SMARCA1: variants seen among roughly 807,000 people sequenced by gnomAD.
SMARCA1 encodes SWI/SNF-related matrix-associated actin-dependent regulator of chromatin subfamily A member 1.
In SMARCA1, 17 loss-of-function variants were observed where a neutral mutation model predicts 93.6. The ratio of observed to expected loss-of-function variants is 0.18; its 90% CI spans 0.12 to 0.27. The LOEUF (loss-of-function observed/expected upper bound fraction) is 0.27, where lower values mean the gene tolerates loss of function less well. SMARCA1 is among the 10% of genes least tolerant of loss of function. The probability of loss-of-function intolerance (pLI) is 1.00; values close to 1 mark genes in which losing one functional copy is unlikely to be tolerated. For synonymous variants in SMARCA1, 271 were observed against 271.4 expected (o/e 1.00, Z 0.01); for missense variants, 630 against 819.0 (o/e 0.77, Z 2.82).
At chrX:129,496,648 C>A in intron 12 of SMARCA1, 102 bp downstream of exon 12, 2 of 645,740 alleles carry the variant, frequency 3.1e-6, no homozygotes, top group Non-Finnish European at 2.4e-6. Flanking sequence ...TTCAATGCAC[C>A]CACCTAAAGA....
At chrX:129,503,702 G>A (rs143784659) in intron 9 of SMARCA1, among the ~76,000 whole-genome samples, 1,305 of 111,661 alleles carry the variant, frequency 0.012, 19 homozygotes, top group African/African-American at 0.041. Context: ...AGTGGTTCTC[G>A]CCTGTAATCT....
At chrX:129,487,594 T>C (rs1195895431) in intron 16 of SMARCA1, among the ~76,000 whole-genome samples, 8 of 112,273 alleles carry the variant, frequency 7.1e-5, no homozygotes, top group African/African-American at 2.6e-4. Flanking sequence ...GCAACAAACA[T>C]AGTAAAATAC....
Position 129,515,681 on chromosome X carries a change from C to T in SMARCA1, c.630+6G>A. 8.8e-7 allele frequency: 1 copy of T among 1,137,140 alleles called. No homozygotes were observed. The highest frequency in any genetic ancestry group is 1.8e-5 in the South Asian group (1 of 54,820). 93.7% of individuals were successfully genotyped at this position (1,137,140 alleles called of 1,213,427 possible). ...GAGAATGTGTTTTTAGCTACCAATT[C>T]CTTACCATTTCATCAGCCAAAATGC... On this transcript the variant is annotated splice_donor_region_variant and intron_variant, in intron 5 of 24. Transcript: ENST00000371121.
intron 20 of SMARCA1, among the ~76,000 whole-genome samples, chrX:129,469,814 C>T (rs1236705494): frequency 1.8e-5 from 2 of 111,925 alleles, no homozygotes; most frequent in East Asian, 2.8e-4. Flanking sequence ...CATGTTATAC[C>T]GTACATTCAC....
intron 24 of SMARCA1, 73 bp from the exon 25 acceptor site, chrX:129,447,306 G>A: frequency 9.5e-7 from 1 of 1,055,379 alleles, no homozygotes; most frequent in Non-Finnish European, 1.2e-6. Context: ...TTAAATCTAG[G>A]ATGTAAATGC....
intron 1 of SMARCA1, among the ~76,000 whole-genome samples, chrX:129,522,803 G>T (rs1935451381): frequency 8.9e-6 from 1 of 111,901 alleles, no homozygotes; most frequent in Admixed American, 9.4e-5. Context: ...ACGGGAAGGC[G>T]GGGGGAGAGG....
chrX:129,512,545 C>T (rs748098672), intron 5 of SMARCA1, among the ~76,000 whole-genome samples: 1 of 111,727 alleles, frequency 9.0e-6, no homozygotes, highest in Non-Finnish European at 1.9e-5. Flanking sequence ...TCACCAACTC[C>T]AGAGGACTTT....
intron 8 of SMARCA1, among the ~76,000 whole-genome samples, chrX:129,505,371 G>T (rs1295868471): frequency 1.8e-5 from 2 of 110,540 alleles, no homozygotes; most frequent in African/African-American, 6.6e-5. Flanking sequence ...AATTAGCCAG[G>T]TGTGGTGACG....
At chrX:129,448,232 T>C (rs767756148) in intron 24 of SMARCA1, 101 bp downstream of exon 24, 218 of 790,148 alleles carry the variant, frequency 2.8e-4, no homozygotes, top group Middle Eastern at 9.3e-4. Context: ...AACCAGCTTT[T>C]ATTAATAGCT....
At chrX:129,506,412 C>T (rs1347303105) in intron 7 of SMARCA1, among the ~76,000 whole-genome samples, 5 of 110,994 alleles carry the variant, frequency 4.5e-5, no homozygotes, top group Non-Finnish European at 7.5e-5. Flanking sequence ...GCAAGCCAGG[C>T]GCAGTGGCTC....
chrX:129,449,997 C>G (rs776761776), intron 23 of SMARCA1, among the ~76,000 whole-genome samples: 1 of 112,652 alleles, frequency 8.9e-6, no homozygotes, highest in African/African-American at 3.2e-5. Flanking sequence ...GATGCTGAAA[C>G]GGGAACTTTC....
chrX:129,486,832 T>TGAC (rs2124265031), intron 17 of SMARCA1, among the ~76,000 whole-genome samples, 186 bp downstream of exon 17: 1 of 108,552 alleles, frequency 9.2e-6, no homozygotes, highest in South Asian at 4.1e-4. Flanking sequence ...ATGATGATGA[T>TGAC]GATGACGACG....
intron 18 of SMARCA1, 95 bp downstream of exon 18, chrX:129,480,980 A>G (rs1277809053): frequency 8.5e-6 from 5 of 587,472 alleles, no homozygotes; most frequent in Non-Finnish European, 1.4e-5. Context: ...TTTAGAGACT[A>G]TGATTTGGCA....
At chrX:129,481,704 G>A (rs775084229) in intron 17 of SMARCA1, among the ~76,000 whole-genome samples, 1 of 111,253 alleles carries the variant, frequency 9.0e-6, no homozygotes, top group Non-Finnish European at 1.9e-5. Flanking sequence ...GAGGATGTGG[G>A]GAAATAGGAA....
chrX:129,497,001 A>T, intron 11 of SMARCA1, 130 bp from the exon 12 acceptor site: 1 of 161,183 alleles, frequency 6.2e-6, no homozygotes, highest in Non-Finnish European at 1.1e-5. Flanking sequence ...ACACACGTGC[A>T]CACACACACA....
chrX:129,498,162 T>A, intron 10 of SMARCA1, 91 bp from the exon 11 acceptor site: 1 of 544,695 alleles, frequency 1.8e-6, no homozygotes, highest in Non-Finnish European at 3.1e-6. Context: ...GATTCCTGTT[T>A]AAAGATAAAC....
chrX:129,493,554 A>T (rs1934207150), intron 12 of SMARCA1, among the ~76,000 whole-genome samples: 1 of 111,433 alleles, frequency 9.0e-6, no homozygotes, highest in South Asian at 3.8e-4. Context: ...CAGTATAGAA[A>T]GCAGCGTGGT....
At chrX:129,501,600 A>C (rs1332198311) in intron 9 of SMARCA1, among the ~76,000 whole-genome samples, 2 of 107,085 alleles carry the variant, frequency 1.9e-5, no homozygotes, top group African/African-American at 3.4e-5. Flanking sequence ...CCGGCCCGCC[A>C]AACTTTTTTT....
At chrX:129,514,725 G>C (rs1415742465) in intron 5 of SMARCA1, among the ~76,000 whole-genome samples, 1 of 111,629 alleles carries the variant, frequency 9.0e-6, no homozygotes, top group East Asian at 2.8e-4. Flanking sequence ...AATAGGAAAA[G>C]ACAGAAGGAC....
Sources: gnomAD v4.1 joint callset for allele counts (sites outside exome capture counted in the v4.1 genomes callset) on GRCh38, gnomAD v4.1.1 for gene constraint, MANE v1.5 for transcripts, NCBI Gene and HGNC (gene_info 2026-07-23, HGNC 2026-07-21) for gene names.